Variants in ARHGEF28 observed in about 807,000 individuals in gnomAD.
ARHGEF28 encodes Rho guanine nucleotide exchange factor 28.
A neutral mutation model predicts 206.6 loss-of-function variants in ARHGEF28; 152 were observed. The observed-to-expected ratio is 0.74, with a 90% CI of 0.64 to 0.84. ARHGEF28 has a LOEUF of 0.84. Among genes scored for constraint, ARHGEF28 ranks in the 40% least tolerant of loss-of-function variants. The pLI is 0.00. For missense variants in ARHGEF28, 2,028 were observed against 2,073.2 expected (o/e 0.98, Z 0.42); for synonymous variants, 763 against 776.4 (o/e 0.98, Z 0.29).
rs571006953 is a variant in ARHGEF28 at position 73,725,870 on chromosome 5, T to C, written c.34-23967T>C. Among the ~76,000 whole-genome samples, 6 of 152,324 alleles carry C rather than the reference T, an allele frequency of 3.9e-5. No homozygotes were observed. The East Asian group carries it at 9.6e-4, about 24-fold the overall frequency. On this transcript the variant is annotated intron_variant, in intron 2 of 35. Coordinates refer to ENST00000513042, the MANE Select transcript of ARHGEF28 (RefSeq NM_001177693.2). Reference sequence around the variant, plus strand: ...GAAGAGTTTAAAGATTTGGCTACTATTTTGGATGTCTGGAAACTTTTTCTT... The same window carrying C: ...GAAGAGTTTAAAGATTTGGCTACTACTTTGGATGTCTGGAAACTTTTTCTT...
chr5:73,801,726 T>G (rs1755147490), intron 9 of ARHGEF28, among the ~76,000 whole-genome samples: 1 of 152,146 alleles, frequency 6.6e-6, no homozygotes, highest in South Asian at 2.1e-4. Context: ...CTTTTTTTCT[T>G]TTCTCTTTTT....
intron 1 of ARHGEF28, among the ~76,000 whole-genome samples, chr5:73,633,570 A>ATTTTTTTTTTTTTT (rs764440038): frequency 9.9e-6 from 1 of 101,060 alleles, no homozygotes; most frequent in African/African-American, 4.2e-5. Flanking sequence ...AATACCTTTA[A>ATTTTTTTTTTTTTT]TTTTTTTTTT....
At chr5:73,795,262 C>T in intron 8 of ARHGEF28, 69 bp from the exon 9 acceptor site, 1 of 1,432,746 alleles carries the variant, frequency 7.0e-7, no homozygotes, top group Admixed American at 1.9e-5. Flanking sequence ...TTTTCTAGTT[C>T]ACAAAAATAA....
chr5:73,713,466 A>G (rs1033445050), intron 2 of ARHGEF28, among the ~76,000 whole-genome samples: 2 of 152,100 alleles, frequency 1.3e-5, no homozygotes, highest in Non-Finnish European at 1.5e-5. Flanking sequence ...CGGGTGAGAG[A>G]TGTACTTGAT....
At position 73,844,812 on chromosome 5, in the gene ARHGEF28, G is replaced by T. The variant is rs940921491; in HGVS notation, c.1428-1456G>T. Among the ~76,000 whole-genome samples the T allele has an allele frequency of 4.1e-5, 6 of 147,012 alleles. 1 individual carries two copies. On this transcript the variant is annotated intron_variant, in intron 11 of 35. Coordinates refer to ENST00000513042, the MANE Select transcript of ARHGEF28 (RefSeq NM_001177693.2). ...ACAAAACACACATTTGAAATGCTTC[G>T]TGCATTAACATGCACCCAGGAAAGC...
intron 9 of ARHGEF28, among the ~76,000 whole-genome samples, chr5:73,808,025 C>A (rs1054759722): frequency 2.6e-5 from 4 of 151,960 alleles, no homozygotes; most frequent in East Asian, 1.9e-4. Context: ...GATGTAAAGA[C>A]CATATCAGAA....
intron 1 of ARHGEF28, among the ~76,000 whole-genome samples, chr5:73,640,940 CTT>C (rs1452641507): frequency 6.6e-6 from 1 of 152,218 alleles, no homozygotes; most frequent in African/African-American, 2.4e-5. Context: ...TCCTAAGTCT[CTT>C]TGTCAATTTA....
chr5:73,646,949 GGCTCACCACCACTTGTCT>G (rs1391487459), intron 1 of ARHGEF28, among the ~76,000 whole-genome samples: 1 of 152,114 alleles, frequency 6.6e-6, no homozygotes, highest in East Asian at 1.9e-4. Context: ...GGTGGCAGCT[GGCTCACCACCACTTGTCT>G]GCGTCTTGCC....
intron 2 of ARHGEF28, among the ~76,000 whole-genome samples, chr5:73,715,206 G>A (rs549450959): frequency 6.6e-6 from 1 of 152,314 alleles, no homozygotes; most frequent in South Asian, 2.1e-4. Flanking sequence ...ACAACAGAAA[G>A]TCACCGGACC....
intron 31 of ARHGEF28, chr5:73,903,089 T>G (rs1762363245): frequency 6.6e-6 from 1 of 152,192 alleles, no homozygotes; most frequent in Admixed American, 6.5e-5. Context: ...TGCTTACGAG[T>G]GAAATCTTTA....
At chr5:73,659,564 T>C (rs1745455041) in intron 1 of ARHGEF28, among the ~76,000 whole-genome samples, 2 of 151,566 alleles carry the variant, frequency 1.3e-5, no homozygotes, top group South Asian at 4.2e-4. Flanking sequence ...TGTTTGTGAG[T>C]GCATGTACAT....
intron 7 of ARHGEF28, among the ~76,000 whole-genome samples, chr5:73,785,178 G>A (rs1424981138): frequency 6.6e-6 from 1 of 152,126 alleles, no homozygotes; most frequent in Non-Finnish European, 1.5e-5. Context: ...TGATGGCAGG[G>A]GCTACTGTAT....
chr5:73,694,663 G>A (rs1056485994), intron 2 of ARHGEF28, among the ~76,000 whole-genome samples: 3 of 152,200 alleles, frequency 2.0e-5, no homozygotes, highest in Non-Finnish European at 4.4e-5. Flanking sequence ...AGTTCCTCCT[G>A]CTTACACCTG....
intron 8 of ARHGEF28, among the ~76,000 whole-genome samples, chr5:73,794,844 T>C (rs907222311): frequency 2.0e-5 from 3 of 152,186 alleles, no homozygotes; most frequent in African/African-American, 7.2e-5. Flanking sequence ...TGACCTCAGG[T>C]GATCTGCCCG....
chr5:73,906,950 A>G (rs2112719808), intron 33 of ARHGEF28, among the ~76,000 whole-genome samples: 1 of 152,378 alleles, frequency 6.6e-6, no homozygotes, highest in South Asian at 2.1e-4. Flanking sequence ...TAAAAATTAG[A>G]AAATAATGAT....
chr5:73,783,187 G>A (rs901445285), intron 7 of ARHGEF28, among the ~76,000 whole-genome samples: 6 of 152,200 alleles, frequency 3.9e-5, no homozygotes, highest in African/African-American at 1.4e-4. Flanking sequence ...TTAGCATGCT[G>A]TAGACTGTGA....
Position 73,794,382 on chromosome 5 carries a change from G to T in ARHGEF28, c.911-20G>T. 1 of 1,579,990 alleles carries T rather than the reference G, an allele frequency of 6.3e-7. No individual in the cohort carries two copies. The highest frequency in any genetic ancestry group is 8.6e-7 in the Non-Finnish European group (1 of 1,160,850). On this transcript the variant is annotated intron_variant, in intron 7 of 35. Coordinates refer to ENST00000513042, the MANE Select transcript of ARHGEF28 (RefSeq NM_001177693.2). ...ACAAAAGCTCCCATCAGCAGATCCT[G>T]ATAATTATTTCTTTTGCAGAGATTA...
At chr5:73,805,494 A>G (rs1755380277) in intron 9 of ARHGEF28, among the ~76,000 whole-genome samples, 1 of 152,226 alleles carries the variant, frequency 6.6e-6, no homozygotes, top group South Asian at 2.1e-4. Context: ...AGAAACTACA[A>G]TAACCACTGT....
chr5:73,708,399 T>C (rs773775469), intron 2 of ARHGEF28, among the ~76,000 whole-genome samples: 8 of 152,168 alleles, frequency 5.3e-5, no homozygotes, highest in Non-Finnish European at 1.2e-4. Context: ...TTCCCATCTT[T>C]GTGTCCATGT....
Sources: gnomAD v4.1 joint callset for allele counts (sites outside exome capture counted in the v4.1 genomes callset) on GRCh38, gnomAD v4.1.1 for gene constraint, MANE v1.5 for transcripts, NCBI Gene and HGNC (gene_info 2026-07-23, HGNC 2026-07-21) for gene names.